Variants in PLCB1 observed in about 807,000 individuals in gnomAD.
The protein encoded by PLCB1 is 1-phosphatidylinositol 4,5-bisphosphate phosphodiesterase beta-1.
Under a neutral mutation model 161.8 loss-of-function variants are expected in PLCB1, and 46 were observed. The ratio of observed to expected loss-of-function variants is 0.28; its 90% confidence interval spans 0.22 to 0.36. The LOEUF is 0.36. Among genes scored for constraint, PLCB1 ranks in the 10% least tolerant of loss-of-function variants. The pLI is 1.00. For synonymous variants in PLCB1, 517 were observed against 503.7 expected, an observed-to-expected ratio of 1.03 and a Z score of -0.35; for missense variants, 1,016 against 1,472.5, an observed-to-expected ratio of 0.69 and a Z score of 5.07.
At chr20:8,216,312 GGA>G (rs1979120031) in intron 2 of PLCB1, among the ~76,000 whole-genome samples, 1 of 59,324 alleles carries the variant, frequency 1.7e-5, no homozygotes, top group Admixed American at 2.0e-4. Flanking sequence ...TTTAGGATAG[GGA>G]AAACATAGCT....
At chr20:8,638,236 G>A (rs1455815943) in intron 4 of PLCB1, among the ~76,000 whole-genome samples, 1 of 152,138 alleles carries the variant, frequency 6.6e-6, no homozygotes, top group African/African-American at 2.4e-5. Flanking sequence ...AACGAGAGTT[G>A]GAAGTAAAAG....
At chr20:8,428,953 A>G (rs1323893296) in intron 3 of PLCB1, among the ~76,000 whole-genome samples, 2 of 152,174 alleles carry the variant, frequency 1.3e-5, no homozygotes, top group African/African-American at 4.8e-5. Flanking sequence ...TGGTTTGTGG[A>G]TTAGTTGTGT....
chr20:8,882,062 G>A lies in PLCB1; in HGVS notation c.*213G>A, dbSNP rs1988017457. ...AAACCTCCACAGGTCTGCTAGTGAA[G>A]AATGCATGTATGTGAGATTTTTGTT... is the stretch of plus-strand genomic sequence containing the variant. On this transcript the variant is annotated 3_prime_UTR_variant, in exon 32 of 32. Transcript: ENST00000338037. 1.9e-6 allele frequency: 1 copy of A among 538,606 alleles called. No homozygotes were observed. The highest frequency in any genetic ancestry group is 1.9e-5 in the African/African-American group (1 of 52,974). The allele number at this position is 538,606 out of a possible 1,614,324, so 33.4% of individuals were successfully genotyped here. A position where few individuals can be genotyped will look rare whatever the true frequency, so the allele number is the denominator to read the frequency against.
chr20:8,742,458 C>T (rs76426141), intron 23 of PLCB1, among the ~76,000 whole-genome samples: 1,697 of 152,074 alleles, frequency 0.011, 28 homozygotes, highest in African/African-American at 0.036. Context: ...TTTCTTATTT[C>T]GAAAGCATCC....
chr20:8,340,689 G>C (rs565873651), intron 2 of PLCB1, among the ~76,000 whole-genome samples: 115 of 152,274 alleles, frequency 7.6e-4, no homozygotes, highest in Non-Finnish European at 3.7e-4. Context: ...CTCCCAAAGT[G>C]CTGGGATTAC....
At position 8,740,364 on chromosome 20, in the gene PLCB1, A is replaced by C. The variant is rs1467021390; in HGVS notation, c.2329A>C (p.Arg777=). The C allele has an allele frequency of 1.9e-6, 3 of 1,604,524 alleles. No individual in the cohort carries two copies. Among genetic ancestry groups the C allele is most frequent in the East Asian group, 2.2e-5 (1 of 44,782 alleles). The change falls in exon 22 of 32, where the codon AGG becomes CGG. Residue 777 remains arginine (R), a synonymous_variant. Coordinates refer to ENST00000338037, the MANE Select transcript of PLCB1 (RefSeq NM_015192.4). ...TCCAGGCTATCACTATATCTGTCTAAGGAATGAAAGGAACCAGCCTCTGAC... is the reference window on the plus strand; with the variant it reads ...TCCAGGCTATCACTATATCTGTCTACGGAATGAAAGGAACCAGCCTCTGAC... The part of the protein sequence containing the change: ...IRPGYHYICL[R]NERNQPLTLP...
intron 3 of PLCB1, among the ~76,000 whole-genome samples, chr20:8,557,550 G>T (rs983702675): frequency 6.6e-6 from 1 of 151,936 alleles, no homozygotes; most frequent in Non-Finnish European, 1.5e-5. Context: ...AGAAGTATAA[G>T]TAGTTATTGT....
chr20:8,278,996 A>G (rs911527847), intron 2 of PLCB1, among the ~76,000 whole-genome samples: 2 of 152,072 alleles, frequency 1.3e-5, no homozygotes, highest in African/African-American at 4.8e-5. Flanking sequence ...AAAACAAAAC[A>G]GAAAATAGCA....
intron 3 of PLCB1, among the ~76,000 whole-genome samples, chr20:8,569,689 T>A (rs562155200): frequency 1.8e-3 from 275 of 152,334 alleles, no homozygotes; most frequent in African/African-American, 6.3e-3. Context: ...ATTAGGGTTG[T>A]TAAGGTAAGT....
intron 31 of PLCB1, among the ~76,000 whole-genome samples, chr20:8,862,379 T>C (rs1987287136): frequency 6.6e-6 from 1 of 152,230 alleles, no homozygotes. Flanking sequence ...GCACATTTTA[T>C]TCGCAGCCTG....
chr20:8,286,303 G>A (rs1298425886), intron 2 of PLCB1, among the ~76,000 whole-genome samples: 1 of 152,196 alleles, frequency 6.6e-6, no homozygotes, highest in Non-Finnish European at 1.5e-5. Flanking sequence ...CAGTCTGGGT[G>A]ACAGAGTGTA....
chr20:8,836,272 G>A (rs995401935), intron 31 of PLCB1, among the ~76,000 whole-genome samples: 4 of 152,314 alleles, frequency 2.6e-5, no homozygotes, highest in South Asian at 2.1e-4. Context: ...AATAGGAGGA[G>A]CTGAAAAATA....
Position 8,326,573 on chromosome 20 carries a change from G to A in PLCB1, c.178-44809G>A, listed in dbSNP as rs563578202. On this transcript the variant is annotated intron_variant, in intron 2 of 31. Coordinates refer to ENST00000338037, the MANE Select transcript of PLCB1 (RefSeq NM_015192.4). ...CTAGTGTAAGTTACCTGCTTTTTCCGAAAAGTTTGTTGGTGACTTAGTTTA... is the reference window on the plus strand; with the variant it reads ...CTAGTGTAAGTTACCTGCTTTTTCCAAAAAGTTTGTTGGTGACTTAGTTTA... Among the ~76,000 whole-genome samples the A allele has an allele frequency of 7.9e-5, 12 of 152,198 alleles. No individual in the cohort carries two copies. The East Asian group carries it at 1.3e-3, about 17-fold the overall frequency.
At chr20:8,577,291 A>C (rs1986699460) in intron 3 of PLCB1, among the ~76,000 whole-genome samples, 1 of 149,170 alleles carries the variant, frequency 6.7e-6, no homozygotes, top group Admixed American at 6.7e-5. Context: ...AAAAAAAATT[A>C]GCTGGGCGTG....
chr20:8,854,468 C>T (rs1986998270), intron 31 of PLCB1, among the ~76,000 whole-genome samples: 1 of 152,184 alleles, frequency 6.6e-6, no homozygotes, highest in Non-Finnish European at 1.5e-5. Context: ...AACACCTCTC[C>T]TTTTTCTCCT....
At chr20:8,713,434 C>T (rs371210085) in intron 12 of PLCB1, among the ~76,000 whole-genome samples, 38 of 152,262 alleles carry the variant, frequency 2.5e-4, no homozygotes, top group African/African-American at 8.9e-4. Flanking sequence ...CTGCCTGCCT[C>T]GGCATCCCAA....
chr20:8,342,105 T>G (rs760872109), intron 2 of PLCB1, among the ~76,000 whole-genome samples: 75 of 152,160 alleles, frequency 4.9e-4, no homozygotes, highest in Non-Finnish European at 1.0e-3. Context: ...AACTAACATT[T>G]TGTTTGCTCT....
chr20:8,806,141 A>C (rs1056414389), intron 31 of PLCB1, among the ~76,000 whole-genome samples: 2 of 152,146 alleles, frequency 1.3e-5, no homozygotes, highest in South Asian at 4.1e-4. Flanking sequence ...TGGGAGAAGA[A>C]CATCTCTGAG....
chr20:8,202,469 G>C (rs1190481697), intron 2 of PLCB1, among the ~76,000 whole-genome samples: 1 of 152,146 alleles, frequency 6.6e-6, no homozygotes, highest in African/African-American at 2.4e-5. Flanking sequence ...TATTTTATGT[G>C]TACACACATA....
Sources: allele counts gnomAD v4.1 joint callset (sites outside exome capture counted in the v4.1 genomes callset), GRCh38; gene constraint gnomAD v4.1.1; transcripts MANE v1.5; gene names NCBI Gene and HGNC (gene_info 2026-07-23, HGNC 2026-07-21).